The following ASIC2 variants were observed in gnomAD, a reference collection of about 807,000 sequenced individuals.
ASIC2 encodes acid sensing ion channel subunit 2.
In ASIC2, 25 loss-of-function variants were observed where a neutral mutation model predicts 57.3. The ratio of observed to expected loss-of-function variants is 0.44; its 90% CI spans 0.32 to 0.61. The LOEUF is 0.61. Ranked by LOEUF, ASIC2 falls within the 20% of genes least tolerant of loss-of-function variation. The pLI, the probability that ASIC2 is intolerant of heterozygous loss-of-function variation, is 0.06. For missense variants in ASIC2, 641 were observed against 738.1 expected (o/e 0.87, Z 1.52); for synonymous variants, 319 against 307.5 (o/e 1.04, Z -0.39).
chr17:33,657,127 G>A (rs1308167121), intron 1 of ASIC2, among the ~76,000 whole-genome samples: 1 of 152,182 alleles, frequency 6.6e-6, no homozygotes, highest in Non-Finnish European at 1.5e-5. Context: ...CTGATCACAT[G>A]CTCTGACATG....
chr17:33,860,518 G>A (rs769840821), intron 1 of ASIC2, among the ~76,000 whole-genome samples: 22 of 152,154 alleles, frequency 1.4e-4, no homozygotes, highest in Non-Finnish European at 2.8e-4. Flanking sequence ...CTTTCCAATG[G>A]TTGACTTTTC....
intron 1 of ASIC2, among the ~76,000 whole-genome samples, chr17:33,402,317 G>A (rs1160607487): frequency 6.6e-6 from 1 of 152,098 alleles, no homozygotes; most frequent in Non-Finnish European, 1.5e-5. Flanking sequence ...CAAGGTGCCT[G>A]TGCAGGATGT....
chr17:33,323,208 T>A (rs922091554), intron 1 of ASIC2, among the ~76,000 whole-genome samples: 4 of 152,190 alleles, frequency 2.6e-5, no homozygotes, highest in Non-Finnish European at 4.4e-5. Flanking sequence ...TGGATGCATA[T>A]GTTCACCGAA....
rs754189618 is a variant in ASIC2 at position 33,739,964 on chromosome 17, AAAAGAAG to A, written c.555+416007_555+416013del. On this transcript the variant is annotated intron_variant, in intron 1 of 9. Transcript: ENST00000359872. ...AAGAAAGAAAAGAAAAAAGAGAAAG[AAAAGAAG>A]AAAGAAAGAAAGAAAAAAGAAAGAA... Among the ~76,000 whole-genome samples the A allele has an allele frequency of 5.5e-3, 706 of 127,490 alleles. 4 individuals are homozygous for A. Among genetic ancestry groups the A allele is most frequent in the South Asian group, 0.01 (45 of 4,320 alleles). 83.6% of individuals were successfully genotyped at this position (127,490 alleles called of 152,430 possible).
intron 1 of ASIC2, among the ~76,000 whole-genome samples, chr17:33,850,534 T>C (rs1467963199): frequency 6.6e-6 from 1 of 152,156 alleles, no homozygotes; most frequent in Non-Finnish European, 1.5e-5. Context: ...CAAATAGATA[T>C]TAAGGGGAGA....
intron 1 of ASIC2, among the ~76,000 whole-genome samples, chr17:33,590,718 A>G (rs1904801130): frequency 6.6e-6 from 1 of 152,220 alleles, no homozygotes; most frequent in Non-Finnish European, 1.5e-5. Context: ...ACCAAAGTCT[A>G]TAATGATAAC....
At chr17:33,191,463 T>C (rs1194242497) in intron 1 of ASIC2, among the ~76,000 whole-genome samples, 1 of 152,100 alleles carries the variant, frequency 6.6e-6, no homozygotes, top group Non-Finnish European at 1.5e-5. Context: ...TTAAACACTT[T>C]AAATATGTGC....
chr17:33,215,511 G>T (rs975843349), intron 1 of ASIC2, among the ~76,000 whole-genome samples: 2 of 151,942 alleles, frequency 1.3e-5, no homozygotes, highest in Non-Finnish European at 2.9e-5. Context: ...TGTTATAAAG[G>T]AAAAAAGTGG....
chr17:34,074,896 C>T (rs1390864099), intron 1 of ASIC2, among the ~76,000 whole-genome samples: 1 of 151,436 alleles, frequency 6.6e-6, no homozygotes, highest in Non-Finnish European at 1.5e-5. Flanking sequence ...AGTGATTCTC[C>T]TGTCTCAGCC....
At chr17:33,760,524 G>A (rs1910748363) in intron 1 of ASIC2, among the ~76,000 whole-genome samples, 1 of 151,862 alleles carries the variant, frequency 6.6e-6, no homozygotes, top group Non-Finnish European at 1.5e-5. Flanking sequence ...CTATATATGT[G>A]TGTGTGTGTG....
chr17:34,081,381 A>G (rs1054748866), intron 1 of ASIC2, among the ~76,000 whole-genome samples: 12 of 152,228 alleles, frequency 7.9e-5, no homozygotes, highest in Non-Finnish European at 1.6e-4. Context: ...GGCAGAAACA[A>G]GACATTATTT....
At chr17:33,920,760 G>T (rs1209849869) in intron 1 of ASIC2, among the ~76,000 whole-genome samples, 1 of 152,112 alleles carries the variant, frequency 6.6e-6, no homozygotes, top group African/African-American at 2.4e-5. Flanking sequence ...GGGCCAAAGT[G>T]GTCTTATTAG....
At position 33,433,491 on chromosome 17, in the gene ASIC2, C is replaced by G. The variant is rs145681703; in HGVS notation, c.556-321424G>C. Among the ~76,000 whole-genome samples the G allele has an allele frequency of 3.7e-3, 569 of 152,294 alleles. 3 individuals carry two copies. The highest frequency in any genetic ancestry group is 0.013 in the African/African-American group (543 of 41,566). The stretch of plus-strand genomic sequence containing the variant: ...TGATGACCGGCCAGGCACAGTGGCT[C>G]ACGCCTGTAATCCCAGCACTTTGGG... On this transcript the variant is annotated intron_variant, in intron 1 of 9. Coordinates refer to the ASIC2 transcript ENST00000359872.
chr17:34,093,135 G>C (rs1342496733), intron 1 of ASIC2, among the ~76,000 whole-genome samples: 1 of 152,136 alleles, frequency 6.6e-6, no homozygotes, highest in East Asian at 1.9e-4. Context: ...TTTTCCCAAA[G>C]TTTTTCTCTT....
At chr17:33,458,154 G>A (rs1389004199) in intron 1 of ASIC2, among the ~76,000 whole-genome samples, 1 of 152,162 alleles carries the variant, frequency 6.6e-6, no homozygotes, top group Admixed American at 6.5e-5. Context: ...GGAGGAAACA[G>A]CCTGATAGAT....
At chr17:34,091,513 G>A (rs1214460495) in intron 1 of ASIC2, among the ~76,000 whole-genome samples, 1 of 152,254 alleles carries the variant, frequency 6.6e-6, no homozygotes, top group African/African-American at 2.4e-5. Flanking sequence ...AGGAACTGGG[G>A]AGTGGGAGAA....
At chr17:34,010,798 A>G (rs1308914641) in intron 1 of ASIC2, among the ~76,000 whole-genome samples, 1 of 150,916 alleles carries the variant, frequency 6.6e-6, no homozygotes, top group East Asian at 2.0e-4. Flanking sequence ...CACACAACCC[A>G]CTGATTCAAG....
rs1567621087 is a variant in ASIC2, at chr17:33,464,522, T to TC, written c.556-352456_556-352455insG. On this transcript the variant is annotated intron_variant, in intron 1 of 9. Transcript: ENST00000359872. ...TTTCTTTCTTTCTTTCTTTCTTTCT[T>TC]TCTTTCTTTCTTTCTTTCTCTTTCT... Among the ~76,000 whole-genome samples the TC allele has an allele frequency of 2.7e-4, 11 of 40,322 alleles. 1 individual carries two copies. Among genetic ancestry groups the TC allele is most frequent in the African/African-American group, 8.8e-4 (8 of 9,102 alleles). 26.5% of individuals were successfully genotyped at this position (40,322 alleles called of 152,430 possible).
intron 1 of ASIC2, chr17:34,006,709 A>G (rs1462606512): frequency 6.6e-6 from 1 of 152,234 alleles, no homozygotes; most frequent in African/African-American, 2.4e-5. Context: ...TAACGATCAC[A>G]TCAGAGTAGA....
Sources: gnomAD v4.1 joint callset for allele counts (sites outside exome capture counted in the v4.1 genomes callset) on GRCh38, gnomAD v4.1.1 for gene constraint, MANE v1.5 for transcripts, NCBI Gene and HGNC (gene_info 2026-07-23, HGNC 2026-07-21) for gene names.